Variants in HEMK2 observed in about 807,000 individuals in gnomAD.
The protein encoded by HEMK2 is methyltransferase HEMK2.
chr21:28,813,006 T>A, the HEMK2 span, among the ~76,000 whole-genome samples: 4 of 152,134 alleles, frequency 2.6e-5, no homozygotes, highest in African/African-American at 2.4e-5. Flanking sequence ...TTTTATTGTG[T>A]CTGTTTGATT....
At chr21:28,806,198 T>G in the HEMK2 span, among the ~76,000 whole-genome samples, 4 of 152,226 alleles carry the variant, frequency 2.6e-5, no homozygotes, top group Non-Finnish European at 5.9e-5. Context: ...GCCTCTGAAG[T>G]GTTCTGCACC....
At chr21:28,769,772 T>C in the HEMK2 span, among the ~76,000 whole-genome samples, 1 of 152,166 alleles carries the variant, frequency 6.6e-6, no homozygotes, top group East Asian at 1.9e-4. Context: ...CTAGGTTATC[T>C]TGGAAAGTTT....
the HEMK2 span, among the ~76,000 whole-genome samples, chr21:28,601,917 T>C: frequency 2.0e-5 from 3 of 152,208 alleles, no homozygotes; most frequent in African/African-American, 4.8e-5. Context: ...TATAACCTTG[T>C]CTGGAAGCAG....
the HEMK2 span, among the ~76,000 whole-genome samples, chr21:28,661,380 T>C: frequency 6.6e-6 from 1 of 152,076 alleles, no homozygotes; most frequent in Admixed American, 6.6e-5. Flanking sequence ...AACTACTTTA[T>C]TTATGCAATA....
chr21:28,625,518 G>A, the HEMK2 span, among the ~76,000 whole-genome samples: 11 of 152,124 alleles, frequency 7.2e-5, no homozygotes, highest in South Asian at 2.1e-4. Flanking sequence ...TCAGGAGTTC[G>A]AGACCAGCCT....
chr21:28,833,564 A>G, the HEMK2 span, among the ~76,000 whole-genome samples: 1 of 152,224 alleles, frequency 6.6e-6, no homozygotes, highest in Non-Finnish European at 1.5e-5. Context: ...TCAACTAAAC[A>G]AACATAAATT....
At chr21:28,591,505 C>T in the HEMK2 span, among the ~76,000 whole-genome samples, 1 of 152,162 alleles carries the variant, frequency 6.6e-6, no homozygotes, top group Non-Finnish European at 1.5e-5. Context: ...AATATATTTT[C>T]AGAGTCCATC....
At chr21:28,822,405 A>G in the HEMK2 span, among the ~76,000 whole-genome samples, 2 of 152,188 alleles carry the variant, frequency 1.3e-5, no homozygotes, top group Non-Finnish European at 2.9e-5. Flanking sequence ...ATCATATGAA[A>G]TAGTAATTTG....
At chr21:28,659,757 C>T in the HEMK2 span, among the ~76,000 whole-genome samples, 1 of 152,042 alleles carries the variant, frequency 6.6e-6, no homozygotes, top group Non-Finnish European at 1.5e-5. Flanking sequence ...AAGGTAAGTC[C>T]TCTAACCTAG....
chr21:28,798,074 C>G, the HEMK2 span, among the ~76,000 whole-genome samples: 1 of 152,128 alleles, frequency 6.6e-6, no homozygotes, highest in Non-Finnish European at 1.5e-5. Flanking sequence ...CCTGAGGATC[C>G]AGGCAAGTGA....
chr21:28,609,317 A>G, the HEMK2 span, among the ~76,000 whole-genome samples: 1 of 152,176 alleles, frequency 6.6e-6, no homozygotes, highest in African/African-American at 2.4e-5. Flanking sequence ...ACTGCAGTTC[A>G]GTTCTCAGGA....
At chr21:28,725,352 C>T in the HEMK2 span, among the ~76,000 whole-genome samples, 2 of 152,074 alleles carry the variant, frequency 1.3e-5, no homozygotes, top group Admixed American at 1.3e-4. Context: ...TGGGAGATAA[C>T]CTCAGAAAGC....
At chr21:28,676,757 C>T in the HEMK2 span, among the ~76,000 whole-genome samples, 2 of 152,266 alleles carry the variant, frequency 1.3e-5, no homozygotes, top group East Asian at 3.9e-4. Context: ...CCCTTTTTCC[C>T]CCTTTTGCCC....
chr21:28,641,021 C>T, the HEMK2 span, among the ~76,000 whole-genome samples: 1 of 152,180 alleles, frequency 6.6e-6, no homozygotes, highest in Non-Finnish European at 1.5e-5. Context: ...TAAAAATTTA[C>T]TGTTAAGAAA....
At chr21:28,863,975 G>A in the HEMK2 span, among the ~76,000 whole-genome samples, 70 of 152,184 alleles carry the variant, frequency 4.6e-4, 1 homozygote, top group East Asian at 0.012. Flanking sequence ...CTACAGGTGT[G>A]TACCACCACG....
chr21:28,750,536 T>TA, the HEMK2 span, among the ~76,000 whole-genome samples: 3 of 151,496 alleles, frequency 2.0e-5, no homozygotes, highest in Non-Finnish European at 4.4e-5. Flanking sequence ...CCATCTCTAC[T>TA]AAAAAAATAT....
chr21:28,754,109 T>C, the HEMK2 span, among the ~76,000 whole-genome samples: 2 of 152,218 alleles, frequency 1.3e-5, no homozygotes, highest in Non-Finnish European at 2.9e-5. Flanking sequence ...CCCACTCCTA[T>C]GTGTAGCTTC....
the HEMK2 span, among the ~76,000 whole-genome samples, chr21:28,805,004 T>C: frequency 2.0e-5 from 3 of 152,324 alleles, no homozygotes; most frequent in African/African-American, 7.2e-5. Context: ...CTGATTCAGT[T>C]GGGCTAGATT....
At chr21:28,613,078 A>G in the HEMK2 span, among the ~76,000 whole-genome samples, 2 of 150,218 alleles carry the variant, frequency 1.3e-5, no homozygotes, top group Non-Finnish European at 3.0e-5. Flanking sequence ...GAAATGTGAT[A>G]GATAGATAGA....
Sources: gnomAD v4.1 joint callset for allele counts (sites outside exome capture counted in the v4.1 genomes callset) on GRCh38, gnomAD v4.1.1 for gene constraint, MANE v1.5 for transcripts, NCBI Gene and HGNC (gene_info 2026-07-23, HGNC 2026-07-21) for gene names.